The following HDAC9 variants were observed in gnomAD, a reference collection of about 807,000 sequenced individuals.
HDAC9 encodes the protein MEF-2 interacting transcription repressor (MITR) protein.
Under a neutral mutation model 139.4 loss-of-function variants are expected in HDAC9, and 41 were observed. That is an observed-to-expected ratio of 0.29 (90% CI 0.23 to 0.38). The LOEUF (loss-of-function observed/expected upper bound fraction) is 0.38. Among genes scored for constraint, HDAC9 ranks in the 10% least tolerant of loss-of-function variants. The probability of loss-of-function intolerance (pLI) is 1.00; values close to 1 mark genes in which losing one functional copy is unlikely to be tolerated. For missense variants in HDAC9, 1,147 were observed against 1,297.0 expected (o/e 0.88, Z 1.78); for synonymous variants, 517 against 476.2 (o/e 1.09, Z -1.12).
intron 2 of HDAC9, among the ~76,000 whole-genome samples, chr7:18,165,112 T>G (rs982861938): frequency 6.6e-6 from 1 of 152,222 alleles, no homozygotes; most frequent in Non-Finnish European, 1.5e-5. Flanking sequence ...GTATGGATAC[T>G]ATTTCTAGTA....
At chr7:18,641,167 A>G (rs1193188849) in intron 8 of HDAC9, among the ~76,000 whole-genome samples, 2 of 152,110 alleles carry the variant, frequency 1.3e-5, no homozygotes, top group East Asian at 3.9e-4. Context: ...AAATAGCTCT[A>G]TTGAGAGGCA....
At chr7:18,650,124 T>C (rs1196779109) in intron 11 of HDAC9, among the ~76,000 whole-genome samples, 1 of 152,184 alleles carries the variant, frequency 6.6e-6, no homozygotes, top group Non-Finnish European at 1.5e-5. Context: ...CTGCATATGT[T>C]TTCTATATTA....
chr7:18,280,932 A>G (rs1233221589), intron 2 of HDAC9, among the ~76,000 whole-genome samples: 2 of 152,168 alleles, frequency 1.3e-5, no homozygotes, highest in African/African-American at 2.4e-5. Context: ...TGTTCGCTTA[A>G]TGTTATCTTT....
chr7:18,543,620 C>T (rs929247421), intron 2 of HDAC9: 1 of 151,952 alleles, frequency 6.6e-6, no homozygotes, highest in Admixed American at 6.6e-5. Flanking sequence ...ATTGAGATAC[C>T]ACTAAATGCC....
At chr7:18,520,818 C>G (rs1412229745) in intron 2 of HDAC9, among the ~76,000 whole-genome samples, 1 of 152,242 alleles carries the variant, frequency 6.6e-6, no homozygotes, top group East Asian at 1.9e-4. Flanking sequence ...AAGCTGGAGC[C>G]CTGCTCTGCT....
At chr7:18,298,280 GT>G (rs869168141) in intron 1 of HDAC9, among the ~76,000 whole-genome samples, 3,490 of 144,458 alleles carry the variant, frequency 0.024, 104 homozygotes, top group African/African-American at 0.071. Context: ...ACATTTTTAT[GT>G]TTTTTTTTTT....
intron 21 of HDAC9, among the ~76,000 whole-genome samples, chr7:18,850,081 T>TAAAAAAAAAAAAAAAAAAAAAA (rs11327408): frequency 1.2e-5 from 1 of 82,310 alleles, no homozygotes; most frequent in Non-Finnish European, 2.6e-5. Flanking sequence ...AAAGCCTGAG[T>TAAAAAAAAAAAAAAAAAAAAAA]AAAAAAAAAA....
chr7:18,100,954 C>T (rs186945775), intron 1 of HDAC9, among the ~76,000 whole-genome samples: 1 of 152,170 alleles, frequency 6.6e-6, no homozygotes, highest in East Asian at 1.9e-4. Context: ...AGTACTCTAC[C>T]CAACACCCCA....
intron 1 of HDAC9, among the ~76,000 whole-genome samples, chr7:18,305,224 A>G (rs28421131): frequency 0.026 from 4,008 of 152,062 alleles, 177 homozygotes; most frequent in African/African-American, 0.091. Context: ...ATCTTTTTCC[A>G]TCTTCACTCT....
intron 1 of HDAC9, among the ~76,000 whole-genome samples, chr7:18,442,518 G>C (rs1445463919): frequency 1.3e-5 from 2 of 152,072 alleles, no homozygotes; most frequent in Non-Finnish European, 2.9e-5. Flanking sequence ...GTATTCATAT[G>C]CTCATTTTAT....
At chr7:18,196,634 C>T (rs1790746797) in intron 2 of HDAC9, among the ~76,000 whole-genome samples, 1 of 152,058 alleles carries the variant, frequency 6.6e-6, no homozygotes, top group South Asian at 2.1e-4. Context: ...AGAATTCGAT[C>T]TATTCAGAGT....
chr7:18,996,569 G>A lies in HDAC9; in HGVS notation c.*507G>A, dbSNP rs571167908. 3.3e-5 allele frequency: 5 copies of A among 152,538 alleles called. No homozygotes were observed. The highest frequency in any genetic ancestry group is 3.9e-4 in the East Asian group (2 of 5,184). 9.4% of individuals were successfully genotyped at this position (152,538 alleles called of 1,614,324 possible). A position where few individuals can be genotyped will look rare whatever the true frequency, so the allele number is the denominator to read the frequency against. On this transcript the variant is annotated 3_prime_UTR_variant, in exon 26 of 26. Coordinates refer to ENST00000686413, the MANE Select transcript of HDAC9 (RefSeq NM_178425.4). Reference sequence around the variant, plus strand: ...ATCGTAATTCCACCCAGAATGTAATGTTTCTTGTTTGTTTGTTTTGTTTTG... The same window carrying A: ...ATCGTAATTCCACCCAGAATGTAATATTTCTTGTTTGTTTGTTTTGTTTTG...
intron 2 of HDAC9, among the ~76,000 whole-genome samples, chr7:18,177,365 T>C (rs1162713724): frequency 6.6e-6 from 1 of 152,216 alleles, no homozygotes; most frequent in Non-Finnish European, 1.5e-5. Context: ...TCTGATATAG[T>C]CACTGCCCTG....
intron 2 of HDAC9, among the ~76,000 whole-genome samples, chr7:18,225,986 A>G (rs780165950): frequency 5.3e-5 from 8 of 152,204 alleles, no homozygotes; most frequent in Admixed American, 2.6e-4. Flanking sequence ...ATAATAATCT[A>G]TCTCTCCTAA....
chr7:18,408,961 A>C (rs886873069), intron 1 of HDAC9, among the ~76,000 whole-genome samples: 1 of 152,202 alleles, frequency 6.6e-6, no homozygotes, highest in African/African-American at 2.4e-5. Context: ...AGCTTTTTGG[A>C]GATAATCAAA....
At chr7:18,836,676 G>C (rs1585127531) in intron 21 of HDAC9, among the ~76,000 whole-genome samples, 2 of 152,158 alleles carry the variant, frequency 1.3e-5, no homozygotes, top group Non-Finnish European at 2.9e-5. Context: ...GCTTCTCTTT[G>C]AGAGAATTTT....
At position 18,985,078 on chromosome 7, in the gene HDAC9, T is replaced by G. The variant is rs555094763; in HGVS notation, c.3170+9125T>G. 5.9e-5 allele frequency among the ~76,000 whole-genome samples: 9 copies of G among 152,172 alleles called. No individual in the cohort carries two copies. The South Asian group carries it at 1.7e-3, about 28-fold the overall frequency. On this transcript the variant is annotated intron_variant, in intron 25 of 25. Transcript: ENST00000686413. ...TTTTTTTAATTCTTTTTCTATTTAT[T>G]TATTATTATTATACTTTAAGTTTTA...
At chr7:18,183,312 GT>G (rs1040461491) in intron 2 of HDAC9, among the ~76,000 whole-genome samples, 4 of 152,064 alleles carry the variant, frequency 2.6e-5, no homozygotes, top group African/African-American at 9.7e-5. Context: ...CCCAGCCATG[GT>G]TTGTTTTTTT....
At chr7:18,087,479 C>T (rs1170856749) in intron 1 of HDAC9, among the ~76,000 whole-genome samples, 1 of 152,144 alleles carries the variant, frequency 6.6e-6, no homozygotes, top group Non-Finnish European at 1.5e-5. Context: ...CTGAGGCGAG[C>T]GGTCGGTGGC....
Sources: gnomAD v4.1 joint callset for allele counts (sites outside exome capture counted in the v4.1 genomes callset) on GRCh38, gnomAD v4.1.1 for gene constraint, MANE v1.5 for transcripts, NCBI Gene and HGNC (gene_info 2026-07-23, HGNC 2026-07-21) for gene names.